Variants in CBL observed in about 807,000 individuals in gnomAD.
CBL encodes Cbl proto-oncogene, also known as E3 ubiquitin-protein ligase CBL.
CBL carries 45 observed loss-of-function variants against 96.9 expected under a neutral mutation model. That is an observed-to-expected ratio of 0.46 (90% confidence interval 0.37 to 0.60). The LOEUF (loss-of-function observed/expected upper bound fraction) is 0.60, where lower values mean the gene tolerates loss of function less well. Ranked by LOEUF, CBL falls within the 20% of genes least tolerant of loss-of-function variation. The pLI, the probability that CBL is intolerant of heterozygous loss-of-function variation, is 0.00. For synonymous variants in CBL, 420 were observed against 426.8 expected (o/e 0.98, Z 0.20); for missense variants, 1,024 against 1,143.5 (o/e 0.90, Z 1.51).
chr11:119,228,766 C>T (rs752457767), intron 1 of CBL, among the ~76,000 whole-genome samples: 1 of 151,778 alleles, frequency 6.6e-6, no homozygotes, highest in African/African-American at 2.4e-5. Flanking sequence ...CTGAGACTTA[C>T]ACCCACACCA....
At chr11:119,244,269 T>C (rs1423810644) in intron 2 of CBL, among the ~76,000 whole-genome samples, 2 of 152,192 alleles carry the variant, frequency 1.3e-5, no homozygotes, top group Non-Finnish European at 2.9e-5. Flanking sequence ...CTGTACAAGG[T>C]AATAGTGCTT....
intron 2 of CBL, among the ~76,000 whole-genome samples, chr11:119,259,124 G>A (rs1193808940): frequency 2.0e-5 from 3 of 152,096 alleles, no homozygotes; most frequent in Non-Finnish European, 2.9e-5. Context: ...ACTTGTATAC[G>A]TTGATTTCGT....
chr11:119,284,657 G>C (rs896206699), intron 9 of CBL, among the ~76,000 whole-genome samples: 1 of 152,130 alleles, frequency 6.6e-6, no homozygotes, highest in Non-Finnish European at 1.5e-5. Context: ...GTAGAAAACT[G>C]TTGTAATTTT....
Position 119,271,807 on chromosome 11 carries a change from A to T in CBL, c.516A>T (p.Gly172=). 1.2e-6 allele frequency: 2 copies of T among 1,613,878 alleles called. No individual in the cohort carries two copies. The highest frequency in any genetic ancestry group is 1.7e-6 in the Non-Finnish European group (2 of 1,179,906). Residue 172 remains glycine, a synonymous_variant, in exon 3 of 16, where the codon GGA becomes GGT. Transcript: ENST00000264033. ...LAELKGIFPS[G]LFQGDTFRIT... ...AACTAAAAGGAATCTTTCCAAGTGGACTCTTTCAGGGAGACACATTTCGGA... is the reference window on the plus strand; with the variant it reads ...AACTAAAAGGAATCTTTCCAAGTGGTCTCTTTCAGGGAGACACATTTCGGA...
At chr11:119,281,009 A>C (rs1028298219) in intron 9 of CBL, among the ~76,000 whole-genome samples, 1 of 152,180 alleles carries the variant, frequency 6.6e-6, no homozygotes, top group Non-Finnish European at 1.5e-5. Flanking sequence ...TGTACCTGTC[A>C]CTACCAAATC....
chr11:119,220,243 C>T (rs34840830), intron 1 of CBL, among the ~76,000 whole-genome samples: 42,961 of 151,808 alleles, frequency 0.28, 6,430 homozygotes, highest in South Asian at 0.59. Context: ...TCAGGTGATC[C>T]GCCCACCTCA....
intron 1 of CBL, among the ~76,000 whole-genome samples, chr11:119,223,133 A>G (rs531124231): frequency 3.4e-5 from 5 of 148,972 alleles, no homozygotes; most frequent in East Asian, 2.0e-4. Context: ...AGGTATGATC[A>G]TGCCACTGTG....
At position 119,283,625 on chromosome 11, in the gene CBL, CTTTTTTTTTTTTT is replaced by C. The variant is rs398017760; in HGVS notation, c.1432-1326_1432-1314del. Among the ~76,000 whole-genome samples, 57 of 45,528 alleles carry C rather than the reference CTTTTTTTTTTTTT, an allele frequency of 1.3e-3. 1 individual carries two copies. The South Asian group carries it at 0.043, about 34-fold the overall frequency. The allele number at this position is 45,528 out of a possible 152,430, so 29.9% of individuals were successfully genotyped here. ...AAATATTAATCCTTTTTAATTCTTT[CTTTTTTTTTTTTT>C]TTTTTTTTTTTTTTTTTGAGATGGA... On this transcript the variant is annotated intron_variant, in intron 9 of 15. Transcript: ENST00000264033.
intron 2 of CBL, among the ~76,000 whole-genome samples, chr11:119,245,546 T>C (rs1393572480): frequency 6.6e-6 from 1 of 152,006 alleles, no homozygotes; most frequent in East Asian, 1.9e-4. Flanking sequence ...CTGGCCAACA[T>C]GGTGAAACCC....
At chr11:119,242,707 A>G (rs1294847057) in intron 2 of CBL, among the ~76,000 whole-genome samples, 1 of 148,564 alleles carries the variant, frequency 6.7e-6, no homozygotes, top group East Asian at 2.0e-4. Context: ...CCGCTGCACT[A>G]TAGCCTTGGT....
chr11:119,220,574 G>T (rs2135256410), intron 1 of CBL, among the ~76,000 whole-genome samples: 1 of 152,256 alleles, frequency 6.6e-6, no homozygotes, highest in African/African-American at 2.4e-5. Context: ...ACTCCAATGT[G>T]GGCGACAGAG....
At chr11:119,273,104 G>A (rs1592398001) in intron 3 of CBL, among the ~76,000 whole-genome samples, 1 of 152,038 alleles carries the variant, frequency 6.6e-6, no homozygotes, top group Non-Finnish European at 1.5e-5. Context: ...AAGTAGCTGG[G>A]ACTACACGTG....
rs890121996 is a variant in CBL at position 119,303,199 on chromosome 11, G to C, written c.*3418G>C. 1 of 231,456 alleles carries C rather than the reference G, an allele frequency of 4.3e-6. No individual in the cohort carries two copies. The highest frequency in any genetic ancestry group is 8.6e-6 in the Non-Finnish European group (1 of 116,778). 14.3% of individuals were successfully genotyped at this position (231,456 alleles called of 1,614,324 possible). A position where few individuals can be genotyped will look rare whatever the true frequency, so the allele number is the denominator to read the frequency against. ...GTTCTTTTTGTAGGTGTTCAGCAAT[G>C]GTGATAAAGCAGAATATTCTCCTAC... On this transcript the variant is annotated 3_prime_UTR_variant, in exon 16 of 16. Transcript: ENST00000264033.
At position 119,299,766 on chromosome 11, in the gene CBL, C is replaced by T; in HGVS notation, c.2706C>T (p.Ala902=). The change falls in exon 16 of 16, where the codon GCC becomes GCT. Residue 902 remains alanine, a synonymous_variant. Coordinates refer to ENST00000264033, the MANE Select transcript of CBL (RefSeq NM_005188.4). ...AATTTGTTTCCATTTCTTCTCCTGC[C>T]CATGTAGCTACCTAGCACACCATCT... is the stretch of plus-strand genomic sequence containing the variant. The part of the protein sequence containing the change: ...LREFVSISSP[A]HVAT 1.9e-6 allele frequency: 3 copies of T among 1,614,140 alleles called. No homozygotes were observed. The South Asian group carries it at 3.3e-5, about 18-fold the overall frequency.
In CBL at chr11:119,213,514, A is replaced by G. The variant is rs1438466765; in HGVS notation, c.195+6902A>G. 6.6e-6 allele frequency among the ~76,000 whole-genome samples: 1 copy of G among 152,220 alleles called. No homozygotes were observed. Among genetic ancestry groups the G allele is most frequent in the Non-Finnish European group, 1.5e-5 (1 of 68,048 alleles). On this transcript the variant is annotated intron_variant, in intron 1 of 15. Coordinates refer to ENST00000264033, the MANE Select transcript of CBL (RefSeq NM_005188.4). ...ATTTATCTTAACCTCTCAGGATTGT[A>G]AAGTCCTTGAGGGTAGCACCTGTAA... is the stretch of plus-strand genomic sequence containing the variant.
In CBL at chr11:119,301,543, T is replaced by C. The variant is rs1950101876; in HGVS notation, c.*1762T>C. 4.3e-6 allele frequency: 1 copy of C among 233,214 alleles called. No homozygotes were observed. Among genetic ancestry groups the C allele is most frequent in the South Asian group, 1.8e-4 (1 of 5,538 alleles). The allele number at this position is 233,214 out of a possible 1,614,324, so 14.4% of individuals were successfully genotyped here. On this transcript the variant is annotated 3_prime_UTR_variant, in exon 16 of 16. Coordinates refer to ENST00000264033, the MANE Select transcript of CBL (RefSeq NM_005188.4). ...TGGATCAGTTTTCTTTCCAGTCTAA[T>C]CATCTTTGGAACTAAAACTTGTTCT...
chr11:119,232,552 A>G lies in CBL; in HGVS notation c.300A>G (p.Ser100=). ...ACCAGCATCTCCGTACTATCTTGTCAAGATATGAGGGGAAGATGGAGACAC... is the reference window on the plus strand; with the variant it reads ...ACCAGCATCTCCGTACTATCTTGTCGAGATATGAGGGGAAGATGGAGACAC... ...DTYQHLRTIL[S]RYEGKMETLG... is the part of the protein sequence containing the mutation. Residue 100 remains serine, a synonymous_variant, in exon 2 of 16, where the codon TCA becomes TCG. Coordinates refer to ENST00000264033, the MANE Select transcript of CBL (RefSeq NM_005188.4). The G allele has an allele frequency of 1.2e-6, 2 of 1,614,106 alleles. No individual in the cohort carries two copies. The highest frequency in any genetic ancestry group is 1.7e-6 in the Non-Finnish European group (2 of 1,179,998).
intron 1 of CBL, among the ~76,000 whole-genome samples, chr11:119,224,531 C>T (rs964121273): frequency 3.5e-4 from 53 of 152,172 alleles, no homozygotes; most frequent in Non-Finnish European, 7.3e-5. Flanking sequence ...TTTGTACATA[C>T]ATGTATTATA....
chr11:119,302,548 C>T lies in CBL; in HGVS notation c.*2767C>T. On this transcript the variant is annotated 3_prime_UTR_variant, in exon 16 of 16. Transcript: ENST00000264033. Reference sequence around the variant, plus strand: ...GTGGCTAATAAAGTAAAAAAACCCACACTACTTTGTTCTCTTTTTCTCATA... The same window carrying T: ...GTGGCTAATAAAGTAAAAAAACCCATACTACTTTGTTCTCTTTTTCTCATA... The T allele has an allele frequency of 4.3e-6, 1 of 232,528 alleles. No individual in the cohort carries two copies. Among genetic ancestry groups the T allele is most frequent in the Non-Finnish European group, 8.5e-6 (1 of 117,598 alleles). 14.4% of individuals were successfully genotyped at this position (232,528 alleles called of 1,614,324 possible). A position where few individuals can be genotyped will look rare whatever the true frequency, so the allele number is the denominator to read the frequency against.
Sources: allele counts gnomAD v4.1 joint callset (sites outside exome capture counted in the v4.1 genomes callset), GRCh38; gene constraint gnomAD v4.1.1; transcripts MANE v1.5; gene names NCBI Gene and HGNC (gene_info 2026-07-23, HGNC 2026-07-21).